The following MAD1L1 variants were observed in gnomAD, a reference collection of about 807,000 sequenced individuals.
MAD1L1 encodes the protein mitotic arrest deficient 1 like 1, also known as mitotic spindle assembly checkpoint protein MAD1.
Under a neutral mutation model 96.9 loss-of-function variants are expected in MAD1L1, and 95 were observed. That is an observed-to-expected ratio of 0.98 (90% CI 0.83 to 1.16). The LOEUF is 1.16. MAD1L1 is among the 50% of genes most tolerant of loss of function. The pLI is 0.00. For missense variants in MAD1L1, 1,007 were observed against 954.4 expected (o/e 1.06, Z -0.73); for synonymous variants, 473 against 396.6 (o/e 1.19, Z -2.29).
intron 12 of MAD1L1, among the ~76,000 whole-genome samples, chr7:2,062,276 A>G (rs922491635): frequency 7.3e-6 from 1 of 136,164 alleles, no homozygotes. Flanking sequence ...AAAAAAAAAA[A>G]CAGGGAATTG....
intron 10 of MAD1L1, among the ~76,000 whole-genome samples, chr7:2,156,327 G>A (rs1253790327): frequency 1.3e-5 from 2 of 152,208 alleles, no homozygotes; most frequent in African/African-American, 2.4e-5. Flanking sequence ...ATGGTTTCAC[G>A]GTGCGTGGCG....
At chr7:2,020,321 C>A (rs1193030105) in intron 12 of MAD1L1, among the ~76,000 whole-genome samples, 1 of 152,164 alleles carries the variant, frequency 6.6e-6, no homozygotes. Flanking sequence ...AGATTGCTAT[C>A]CACAGCCCCA....
intron 11 of MAD1L1, among the ~76,000 whole-genome samples, 192 bp from the exon 12 acceptor site, chr7:2,069,530 C>A (rs372743023): frequency 6.6e-6 from 1 of 152,218 alleles, no homozygotes; most frequent in South Asian, 2.1e-4. Context: ...TTCAAATAGA[C>A]TCCCAGGGTG....
intron 17 of MAD1L1, among the ~76,000 whole-genome samples, chr7:1,918,501 G>A (rs1005448520): frequency 5.3e-5 from 8 of 152,186 alleles, no homozygotes; most frequent in African/African-American, 9.7e-5. Context: ...CCGGGTCCAC[G>A]GCATGGGGGG....
At chr7:2,045,052 G>A (rs1191119100) in intron 12 of MAD1L1, among the ~76,000 whole-genome samples, 1 of 152,210 alleles carries the variant, frequency 6.6e-6, no homozygotes, top group Non-Finnish European at 1.5e-5. Context: ...AGGGCGCCCT[G>A]ACGGCAAGCC....
rs575521414 is a variant in MAD1L1, at chr7:2,194,644, T to G, written c.986+18568A>C. Among the ~76,000 whole-genome samples, 3 of 152,272 alleles carry G rather than the reference T, an allele frequency of 2.0e-5. 1 individual carries two copies. Among genetic ancestry groups the G allele is most frequent in the African/African-American group, 7.2e-5 (3 of 41,554 alleles). On this transcript the variant is annotated intron_variant, in intron 10 of 18. Transcript: ENST00000265854. ...AATATTTACTATTAATACCCAGCCC[T>G]TTACAGAAAAAACGTACCAGACTCT...
chr7:2,094,583 G>C (rs998775466), intron 11 of MAD1L1, among the ~76,000 whole-genome samples: 2 of 152,168 alleles, frequency 1.3e-5, no homozygotes, highest in East Asian at 1.9e-4. Flanking sequence ...AGGAAAGTCA[G>C]GAAGGCTGCT....
chr7:2,138,379 C>T (rs1234939864), intron 11 of MAD1L1, among the ~76,000 whole-genome samples: 1 of 152,198 alleles, frequency 6.6e-6, no homozygotes, highest in East Asian at 1.9e-4. Flanking sequence ...TCCAGAGCCA[C>T]TCAGCCTAAT....
intron 10 of MAD1L1, among the ~76,000 whole-genome samples, chr7:2,177,939 A>ATGG (rs879269224): frequency 0.013 from 2,045 of 152,324 alleles, 36 homozygotes; most frequent in South Asian, 0.031. Flanking sequence ...ACCACTTTCA[A>ATGG]ACACACCAGG....
intron 17 of MAD1L1, among the ~76,000 whole-genome samples, chr7:1,918,847 G>GTGGCT (rs1396183125): frequency 6.6e-6 from 1 of 152,182 alleles, no homozygotes; most frequent in African/African-American, 2.4e-5. Context: ...GACTGGTGCT[G>GTGGCT]TGGCTACTCC....
At chr7:1,822,377 A>G (rs1782170496) in intron 18 of MAD1L1, among the ~76,000 whole-genome samples, 1 of 151,276 alleles carries the variant, frequency 6.6e-6, no homozygotes, top group Non-Finnish European at 1.5e-5. Flanking sequence ...TAGTAAATCA[A>G]TTTTTCCAAA....
intron 7 of MAD1L1, among the ~76,000 whole-genome samples, chr7:2,217,413 G>A (rs1453898120): frequency 1.3e-5 from 2 of 152,234 alleles, no homozygotes; most frequent in African/African-American, 2.4e-5. Context: ...TGGGGGTGCC[G>A]GGCAGCTCTG....
chr7:1,852,428 C>T (rs1784026302), intron 18 of MAD1L1, among the ~76,000 whole-genome samples: 1 of 152,160 alleles, frequency 6.6e-6, no homozygotes, highest in South Asian at 2.1e-4. Context: ...CCTCAATGGA[C>T]CTTGCACTGG....
intron 12 of MAD1L1, among the ~76,000 whole-genome samples, chr7:2,024,687 C>T (rs1250415732): frequency 6.6e-6 from 1 of 152,222 alleles, no homozygotes; most frequent in Non-Finnish European, 1.5e-5. Context: ...CCAGCCCCAT[C>T]TCAGGCGGGT....
chr7:2,129,726 G>A (rs907789148), intron 11 of MAD1L1, among the ~76,000 whole-genome samples: 44 of 152,194 alleles, frequency 2.9e-4, no homozygotes, highest in Non-Finnish European at 2.9e-5. Flanking sequence ...AACAAATGCA[G>A]TTATTTTTAC....
chr7:2,060,598 C>A (rs77296657), intron 12 of MAD1L1, among the ~76,000 whole-genome samples: 1 of 152,228 alleles, frequency 6.6e-6, no homozygotes, highest in East Asian at 1.9e-4. Context: ...GAGGCAACGA[C>A]GACAGCATGG....
intron 17 of MAD1L1, among the ~76,000 whole-genome samples, chr7:1,916,297 T>G (rs1274204895): frequency 6.6e-6 from 1 of 152,084 alleles, no homozygotes; most frequent in East Asian, 1.9e-4. Flanking sequence ...ACACAAAGAC[T>G]TGTACCCAAA....
At chr7:2,056,292 G>C (rs191611881) in intron 12 of MAD1L1, among the ~76,000 whole-genome samples, 1 of 152,324 alleles carries the variant, frequency 6.6e-6, no homozygotes, top group Admixed American at 6.5e-5. Flanking sequence ...AAATCGTGCC[G>C]ATCATGAAGC....
At chr7:2,122,234 C>G (rs1349981920) in intron 11 of MAD1L1, among the ~76,000 whole-genome samples, 1 of 152,238 alleles carries the variant, frequency 6.6e-6, no homozygotes, top group Non-Finnish European at 1.5e-5. Flanking sequence ...AATGCTCAGA[C>G]TGCCCGCGTC....
Sources: allele counts gnomAD v4.1 joint callset (sites outside exome capture counted in the v4.1 genomes callset), GRCh38; gene constraint gnomAD v4.1.1; transcripts MANE v1.5; gene names NCBI Gene and HGNC (gene_info 2026-07-23, HGNC 2026-07-21).